Variants in PDGFRL observed in about 807,000 individuals in gnomAD.
The protein encoded by PDGFRL is platelet derived growth factor receptor like, also known as platelet-derived growth factor receptor-like protein.
Under a neutral mutation model 37.2 loss-of-function variants are expected in PDGFRL, and 46 were observed. The observed-to-expected ratio is 1.24, with a 90% confidence interval of 0.98 to 1.58. The LOEUF (loss-of-function observed/expected upper bound fraction) is 1.58. Ranked by LOEUF, PDGFRL falls within the 40% of genes most tolerant of loss-of-function variation. The probability of loss-of-function intolerance (pLI) is 0.00; values close to 1 mark genes in which losing one functional copy is unlikely to be tolerated. For missense variants in PDGFRL, 692 were observed against 467.6 expected (o/e 1.48, Z -4.43); for synonymous variants, 251 against 184.3 (o/e 1.36, Z -2.93).
intron 2 of PDGFRL, among the ~76,000 whole-genome samples, chr8:17,605,634 T>C (rs1804257907): frequency 6.6e-6 from 1 of 152,108 alleles, no homozygotes; most frequent in South Asian, 2.1e-4. Context: ...TCAATGCTGG[T>C]AGGAACAAGG....
intron 2 of PDGFRL, among the ~76,000 whole-genome samples, chr8:17,620,008 G>T (rs560571831): frequency 6.6e-6 from 1 of 152,270 alleles, no homozygotes; most frequent in South Asian, 2.1e-4. Context: ...TGTCACCCAG[G>T]CTGGAGTGCA....
intron 5 of PDGFRL, 37 bp from the exon 6 acceptor site, chr8:17,642,576 C>A (rs145886660): frequency 1.5e-6 from 2 of 1,319,152 alleles, no homozygotes; most frequent in African/African-American, 1.4e-5. Flanking sequence ...AGCAGCTTGT[C>A]CCTCTTGCTT....
chr8:17,584,642 C>G (rs1370526601), intron 1 of PDGFRL, among the ~76,000 whole-genome samples: 1 of 151,618 alleles, frequency 6.6e-6, no homozygotes, highest in Non-Finnish European at 1.5e-5. Context: ...CAACTGTATT[C>G]TAACAGGTGT....
chr8:17,621,606 C>G (rs1275688025), intron 3 of PDGFRL, among the ~76,000 whole-genome samples: 2 of 152,112 alleles, frequency 1.3e-5, no homozygotes, highest in Non-Finnish European at 2.9e-5. Context: ...AAATTAAGAA[C>G]AAGTTCTCAG....
chr8:17,595,519 C>T (rs1477737152), intron 2 of PDGFRL, among the ~76,000 whole-genome samples: 11 of 152,298 alleles, frequency 7.2e-5, no homozygotes, highest in African/African-American at 2.4e-4. Context: ...TTCTCAGCCT[C>T]CTGAGAACTC....
intron 5 of PDGFRL, among the ~76,000 whole-genome samples, chr8:17,638,738 C>CAT (rs56085770): frequency 0.012 from 550 of 47,126 alleles, 18 homozygotes; most frequent in Non-Finnish European, 0.015. Context: ...GCATTAGGTG[C>CAT]ATATATATAT....
intron 2 of PDGFRL, among the ~76,000 whole-genome samples, chr8:17,612,171 C>T (rs1183012554): frequency 6.6e-6 from 1 of 152,124 alleles, no homozygotes; most frequent in East Asian, 1.9e-4. Flanking sequence ...GGTGGCCCTG[C>T]CTGTTGGAAA....
chr8:17,613,603 C>A (rs189277103), intron 2 of PDGFRL, among the ~76,000 whole-genome samples: 2 of 152,120 alleles, frequency 1.3e-5, no homozygotes, highest in Admixed American at 1.3e-4. Context: ...GAAGCCCAGG[C>A]GCAGTGGCTC....
intron 1 of PDGFRL, among the ~76,000 whole-genome samples, chr8:17,586,914 C>T (rs1234421051): frequency 6.6e-6 from 1 of 152,144 alleles, no homozygotes; most frequent in Non-Finnish European, 1.5e-5. Flanking sequence ...CCACCTATTT[C>T]TCTATAAATT....
chr8:17,585,474 T>C (rs1188104356), intron 1 of PDGFRL, among the ~76,000 whole-genome samples: 2 of 152,184 alleles, frequency 1.3e-5, no homozygotes, highest in Non-Finnish European at 2.9e-5. Context: ...CTCTCCATAG[T>C]ATCGCTTTCC....
At chr8:17,598,402 A>T (rs1161329484) in intron 2 of PDGFRL, among the ~76,000 whole-genome samples, 1 of 152,180 alleles carries the variant, frequency 6.6e-6, no homozygotes, top group African/African-American at 2.4e-5. Context: ...CAAATAACAC[A>T]TCTGTGGTTT....
intron 2 of PDGFRL, among the ~76,000 whole-genome samples, chr8:17,612,612 C>G (rs929539675): frequency 2.0e-5 from 3 of 152,202 alleles, no homozygotes; most frequent in African/African-American, 4.8e-5. Context: ...CTCAGGTGAT[C>G]CACCTACCTC....
intron 2 of PDGFRL, among the ~76,000 whole-genome samples, chr8:17,614,329 T>C (rs17124938): frequency 0.12 from 18,030 of 152,132 alleles, 1,184 homozygotes; most frequent in South Asian, 0.24. Context: ...TTTACCCAGC[T>C]GTCTGTTTCC....
intron 2 of PDGFRL, among the ~76,000 whole-genome samples, chr8:17,616,169 A>T (rs569399245): frequency 1.1e-4 from 16 of 144,214 alleles, no homozygotes; most frequent in East Asian, 6.3e-4. Context: ...TATTATTGTT[A>T]TTATTTATTT....
intron 2 of PDGFRL, among the ~76,000 whole-genome samples, chr8:17,620,577 A>G (rs2588108): frequency 0.35 from 53,515 of 152,010 alleles, 9,505 homozygotes; most frequent in South Asian, 0.42. Context: ...GTTAGGGTTC[A>G]CATCTTGTAT....
chr8:17,585,146 T>G (rs1803788453), intron 1 of PDGFRL, among the ~76,000 whole-genome samples: 1 of 152,140 alleles, frequency 6.6e-6, no homozygotes, highest in African/African-American at 2.4e-5. Flanking sequence ...TAGCATATAA[T>G]GATCAGTGAG....
intron 1 of PDGFRL, among the ~76,000 whole-genome samples, chr8:17,580,057 A>T (rs1803672765): frequency 6.6e-6 from 1 of 152,214 alleles, no homozygotes; most frequent in African/African-American, 2.4e-5. Context: ...ATTGAATGTC[A>T]GGAGCAAACA....
chr8:17,591,518 A>C (rs949255845), intron 2 of PDGFRL, among the ~76,000 whole-genome samples: 1 of 152,152 alleles, frequency 6.6e-6, no homozygotes, highest in Non-Finnish European at 1.5e-5. Context: ...CATGATTTCT[A>C]AGATTCTTTC....
chr8:17,639,305 A>G (rs77297632), intron 5 of PDGFRL, among the ~76,000 whole-genome samples: 4,368 of 152,044 alleles, frequency 0.029, 125 homozygotes, highest in South Asian at 0.14. Flanking sequence ...TCATCTTGCT[A>G]TTTGTTGCCC....
Sources: gnomAD v4.1 joint callset for allele counts (sites outside exome capture counted in the v4.1 genomes callset) on GRCh38, gnomAD v4.1.1 for gene constraint, MANE v1.5 for transcripts, NCBI Gene and HGNC (gene_info 2026-07-23, HGNC 2026-07-21) for gene names.